ARF6: variants seen among roughly 807,000 people sequenced by gnomAD.
The protein encoded by ARF6 is ARF GTPase 6.
For missense variants in ARF6, 75 were observed against 232.0 expected (o/e 0.32, Z 4.40); for synonymous variants, 127 against 95.5 (o/e 1.33, Z -1.92).
rs1435904439 is a variant in ARF6, at chr14:49,893,833, T to G, written c.97T>G (p.Leu33Val). Residue 33 changes from leucine (L) to valine (V), a missense_variant, in exon 2 of 2, where the codon TTG (leucine) becomes GTG (valine). By Grantham distance (32) the Leu-to-Val change is conservative (BLOSUM62 1). Transcript: ENST00000298316. ...AAGKTTILYK[L>V]KLGQSVTTIP... The stretch of plus-strand genomic sequence containing the variant: ...CGGCAAGACAACAATCCTGTACAAG[T>G]TGAAGCTGGGCCAGTCGGTGACCAC... 1 of 1,614,218 alleles carries G rather than the reference T, an allele frequency of 6.2e-7. No individual in the cohort carries two copies. The highest frequency in any genetic ancestry group is 1.7e-5 in the Admixed American group (1 of 60,026).
chr14:49,893,498 C>G lies in ARF6; in HGVS notation c.-239C>G, dbSNP rs1245586040. 2.0e-6 allele frequency: 1 copy of G among 509,362 alleles called. No homozygotes were observed. The highest frequency in any genetic ancestry group is 1.9e-5 in the African/African-American group (1 of 51,448). The allele number at this position is 509,362 out of a possible 1,614,324, so 31.6% of individuals were successfully genotyped here. A position where few individuals can be genotyped will look rare whatever the true frequency, so the allele number is the denominator to read the frequency against. ...GCCGCGCCTCAGCAGGGCGGCGGCT[C>G]CCAGCGCAGTCTCAGGGCCCGGGTG... is the stretch of plus-strand genomic sequence containing the variant. On this transcript the variant is annotated 5_prime_UTR_variant, in exon 2 of 2. Transcript: ENST00000298316.
rs1415562672 is a variant in ARF6, at chr14:49,895,657, C to G, written c.*1393C>G. 1 of 166,974 alleles carries G rather than the reference C, an allele frequency of 6.0e-6. No homozygotes were observed. Among genetic ancestry groups the G allele is most frequent in the Non-Finnish European group, 1.5e-5 (1 of 68,076 alleles). 10.3% of individuals were successfully genotyped at this position (166,974 alleles called of 1,614,324 possible). A position where few individuals can be genotyped will look rare whatever the true frequency, so the allele number is the denominator to read the frequency against. On this transcript the variant is annotated 3_prime_UTR_variant, in exon 2 of 2. Coordinates refer to ENST00000298316, the MANE Select transcript of ARF6 (RefSeq NM_001663.4). The stretch of plus-strand genomic sequence containing the variant: ...GGGACGTAGGATGAAGAGAAAGAAC[C>G]TACAGATGACAATGAATGTAAACTT...
chr14:49,894,332 A>G lies in ARF6; in HGVS notation c.*68A>G, dbSNP rs531794083. On this transcript the variant is annotated 3_prime_UTR_variant, in exon 2 of 2. Transcript: ENST00000298316. ...ACCCATTCATAGGATTATCGCCACC[A>G]TCACCTCTTTCAATTGCCACTTTCT... The G allele has an allele frequency of 8.9e-5, 128 of 1,430,764 alleles. No individual in the cohort carries two copies. In the East Asian group the frequency reaches 2.7e-3, roughly 31 times the overall value. The allele number at this position is 1,430,764 out of a possible 1,614,324, so 88.6% of individuals were successfully genotyped here. A position where few individuals can be genotyped will look rare whatever the true frequency, so the allele number is the denominator to read the frequency against.
Position 49,893,523 on chromosome 14 carries a change from G to A in ARF6, c.-214G>A. On this transcript the variant is annotated 5_prime_UTR_variant, in exon 2 of 2. Transcript: ENST00000298316. ...CCCAGCGCAGTCTCAGGGCCCGGGT[G>A]GCGGCGGCGACTGGAGAAATCAAGT... 1.7e-6 allele frequency: 1 copy of A among 585,542 alleles called. No individual in the cohort carries two copies. Among genetic ancestry groups the A allele is most frequent in the South Asian group, 2.2e-5 (1 of 45,176 alleles). 36.3% of individuals were successfully genotyped at this position (585,542 alleles called of 1,614,324 possible).
In ARF6 at chr14:49,896,203, C is replaced by A. The variant is rs1180153223; in HGVS notation, c.*1939C>A. On this transcript the variant is annotated 3_prime_UTR_variant, in exon 2 of 2. Coordinates refer to ENST00000298316, the MANE Select transcript of ARF6 (RefSeq NM_001663.4). Reference sequence around the variant, plus strand: ...GAGGGATTTTTTTGATTTCAGGATACAACTAAAGTACGAAGTTCTCAGTTT... The same window carrying A: ...GAGGGATTTTTTTGATTTCAGGATAAAACTAAAGTACGAAGTTCTCAGTTT... 1.2e-5 allele frequency: 2 copies of A among 166,734 alleles called. No individual in the cohort carries two copies. The highest frequency in any genetic ancestry group is 2.9e-5 in the Non-Finnish European group (2 of 68,078). The allele number at this position is 166,734 out of a possible 1,614,324, so 10.3% of individuals were successfully genotyped here.
In ARF6 at chr14:49,895,800, C is replaced by T. The variant is rs1287934581; in HGVS notation, c.*1536C>T. On this transcript the variant is annotated 3_prime_UTR_variant, in exon 2 of 2. Coordinates refer to ENST00000298316, the MANE Select transcript of ARF6 (RefSeq NM_001663.4). Reference sequence around the variant, plus strand: ...GCGACCACTATGATAATATTTTGAACCAAATGTTAATGCTTGATGCAGAAT... The same window carrying T: ...GCGACCACTATGATAATATTTTGAATCAAATGTTAATGCTTGATGCAGAAT... 6.0e-6 allele frequency: 1 copy of T among 166,584 alleles called. No individual in the cohort carries two copies. The highest frequency in any genetic ancestry group is 1.5e-5 in the Non-Finnish European group (1 of 68,086). The allele number at this position is 166,584 out of a possible 1,614,324, so 10.3% of individuals were successfully genotyped here.
At position 49,893,826 on chromosome 14, in the gene ARF6, G is replaced by A; in HGVS notation, c.90G>A (p.Leu30=). 3 of 1,614,252 alleles carry A rather than the reference G, an allele frequency of 1.9e-6. No individual in the cohort carries two copies. Among genetic ancestry groups the A allele is most frequent in the South Asian group, 1.1e-5 (1 of 91,088 alleles). The change falls in exon 2 of 2, where the codon CTG becomes CTA. Residue 30 remains leucine (L), a synonymous_variant. Coordinates refer to ENST00000298316, the MANE Select transcript of ARF6 (RefSeq NM_001663.4). ...GLDAAGKTTI[L]YKLKLGQSVT... Reference sequence around the variant, plus strand: ...ACGCGGCCGGCAAGACAACAATCCTGTACAAGTTGAAGCTGGGCCAGTCGG... The same window carrying A: ...ACGCGGCCGGCAAGACAACAATCCTATACAAGTTGAAGCTGGGCCAGTCGG...
In ARF6 at chr14:49,895,391, C is replaced by T. The variant is rs576615115; in HGVS notation, c.*1127C>T. ...AAAAAAATACACATTCCTGTTTTCA[C>T]ATTATAGCAACTGATTAAGCTGAAG... On this transcript the variant is annotated 3_prime_UTR_variant, in exon 2 of 2. Transcript: ENST00000298316. 1 of 167,166 alleles carries T rather than the reference C, an allele frequency of 6.0e-6. No homozygotes were observed. Among genetic ancestry groups the T allele is most frequent in the African/African-American group, 2.4e-5 (1 of 41,548 alleles). 10.4% of individuals were successfully genotyped at this position (167,166 alleles called of 1,614,324 possible).
chr14:49,893,447 C>T lies in ARF6; in HGVS notation c.-290C>T. ...CGCGGCGGCGCTCGCGCGGCGCCTG[C>T]GGGGGGAAGGGCAGTTCCGGGCCGG... On this transcript the variant is annotated 5_prime_UTR_variant, in exon 2 of 2. Transcript: ENST00000298316. 1 of 262,154 alleles carries T rather than the reference C, an allele frequency of 3.8e-6. No homozygotes were observed. The allele number at this position is 262,154 out of a possible 1,614,324, so 16.2% of individuals were successfully genotyped here. A position where few individuals can be genotyped will look rare whatever the true frequency, so the allele number is the denominator to read the frequency against.
Position 49,896,738 on chromosome 14 carries a change from G to A in ARF6, c.*2474G>A, listed in dbSNP as rs1471383717. On this transcript the variant is annotated 3_prime_UTR_variant, in exon 2 of 2. Coordinates refer to ENST00000298316, the MANE Select transcript of ARF6 (RefSeq NM_001663.4). Reference sequence around the variant, plus strand: ...TAAAATTTTCTTTAAGGATATAAGAGGTTTATAATTGATGTAGTTAAATTG... The same window carrying A: ...TAAAATTTTCTTTAAGGATATAAGAAGTTTATAATTGATGTAGTTAAATTG... 5 of 166,936 alleles carry A rather than the reference G, an allele frequency of 3.0e-5. 1 individual carries two copies. The highest frequency in any genetic ancestry group is 7.2e-5 in the African/African-American group (3 of 41,400). 10.3% of individuals were successfully genotyped at this position (166,936 alleles called of 1,614,324 possible).
rs369105384 is a variant in ARF6, at chr14:49,894,255, C to T, written c.519C>T (p.Tyr173=). The part of the protein sequence containing the change: ...YEGLTWLTSN[Y]KS ...GGCTCACATGGTTAACCTCTAACTA[C>T]AAATCTTAATGAGCATTCTCCACCC... The change falls in exon 2 of 2, where the codon TAC becomes TAT. Residue 173 remains tyrosine (Y), a synonymous_variant. Coordinates refer to ENST00000298316, the MANE Select transcript of ARF6 (RefSeq NM_001663.4). 2.7e-5 allele frequency: 44 copies of T among 1,607,488 alleles called. No homozygotes were observed. Among genetic ancestry groups the T allele is most frequent in the Non-Finnish European group, 3.5e-5 (41 of 1,175,028 alleles).
In ARF6 at chr14:49,894,449, T is replaced by C. The variant is rs1894493025; in HGVS notation, c.*185T>C. 1.9e-6 allele frequency: 1 copy of C among 527,266 alleles called. No homozygotes were observed. Among genetic ancestry groups the C allele is most frequent in the Admixed American group, 4.6e-5 (1 of 21,604 alleles). 32.7% of individuals were successfully genotyped at this position (527,266 alleles called of 1,614,324 possible). A position where few individuals can be genotyped will look rare whatever the true frequency, so the allele number is the denominator to read the frequency against. ...TCTCTTTTGTTTGTTTCCCTTTCTT[T>C]TTCCTTTTTTTTTTTTTTTTTTTTT... On this transcript the variant is annotated 3_prime_UTR_variant, in exon 2 of 2. Coordinates refer to ENST00000298316, the MANE Select transcript of ARF6 (RefSeq NM_001663.4).
At position 49,894,480 on chromosome 14, in the gene ARF6, G is replaced by A. The variant is rs1428459337; in HGVS notation, c.*216G>A. The stretch of plus-strand genomic sequence containing the variant: ...TTTTTTTTTTTTTTTTTTTTTGTTG[G>A]CTTTGCGTTAGGATGCTCTGATCTG... On this transcript the variant is annotated 3_prime_UTR_variant, in exon 2 of 2. Coordinates refer to ENST00000298316, the MANE Select transcript of ARF6 (RefSeq NM_001663.4). 2.3e-6 allele frequency: 1 copy of A among 429,008 alleles called. No individual in the cohort carries two copies. The highest frequency in any genetic ancestry group is 3.6e-5 in the East Asian group (1 of 27,982). 26.6% of individuals were successfully genotyped at this position (429,008 alleles called of 1,614,324 possible).
At position 49,893,720 on chromosome 14, in the gene ARF6, C is replaced by G. The variant is rs764556170; in HGVS notation, c.-17C>G. 10 of 1,605,002 alleles carry G rather than the reference C, an allele frequency of 6.2e-6. No individual in the cohort carries two copies. The highest frequency in any genetic ancestry group is 1.7e-4 in the Middle Eastern group (1 of 6,038). ...CCGGGACACCTGAATGCCCCCGGCC[C>G]CGGCTCCTCCGACGCGATGGGGAAG... On this transcript the variant is annotated 5_prime_UTR_variant, in exon 2 of 2. Coordinates refer to ENST00000298316, the MANE Select transcript of ARF6 (RefSeq NM_001663.4).
rs1367467396 is a variant in ARF6, at chr14:49,893,482, C to T, written c.-255C>T. ...GGCAGTTCCGGGCCGGGCCGCGCCT[C>T]AGCAGGGCGGCGGCTCCCAGCGCAG... On this transcript the variant is annotated 5_prime_UTR_variant, in exon 2 of 2. Transcript: ENST00000298316. 10 of 438,838 alleles carry T rather than the reference C, an allele frequency of 2.3e-5. No homozygotes were observed. The highest frequency in any genetic ancestry group is 4.1e-6 in the Non-Finnish European group (1 of 245,944). 27.2% of individuals were successfully genotyped at this position (438,838 alleles called of 1,614,324 possible).
chr14:49,893,955 C>G lies in ARF6; in HGVS notation c.219C>G (p.Leu73=), dbSNP rs111484414. 2 of 1,614,122 alleles carry G rather than the reference C, an allele frequency of 1.2e-6. No individual in the cohort carries two copies. Among genetic ancestry groups the G allele is most frequent in the East Asian group, 2.2e-5 (1 of 44,902 alleles). ...DVGGQDKIRP[L]WRHYYTGTQG... The stretch of plus-strand genomic sequence containing the variant: ...GCGGCCAGGACAAGATCCGGCCGCT[C>G]TGGCGGCATTACTACACTGGGACCC... Residue 73 remains leucine, a synonymous_variant, in exon 2 of 2, where the codon CTC becomes CTG. Coordinates refer to ENST00000298316, the MANE Select transcript of ARF6 (RefSeq NM_001663.4).
In ARF6 at chr14:49,896,357, TATATAA is replaced by T. The variant is rs1329896971; in HGVS notation, c.*2098_*2103del. 1.2e-5 allele frequency: 2 copies of T among 167,180 alleles called. No individual in the cohort carries two copies. Among genetic ancestry groups the T allele is most frequent in the Non-Finnish European group, 2.9e-5 (2 of 68,088 alleles). 10.4% of individuals were successfully genotyped at this position (167,180 alleles called of 1,614,324 possible). A position where few individuals can be genotyped will look rare whatever the true frequency, so the allele number is the denominator to read the frequency against. On this transcript the variant is annotated 3_prime_UTR_variant, in exon 2 of 2. Coordinates refer to ENST00000298316, the MANE Select transcript of ARF6 (RefSeq NM_001663.4). ...TGTTTCAAATGATTGCATTTTAAAG[TATATAA>T]ATATGGGTTATCCAATATCAATGCT...
Position 49,893,791 on chromosome 14 carries a change from T to C in ARF6, c.55T>C (p.Leu19=). 6.2e-7 allele frequency: 1 copy of C among 1,614,216 alleles called. No homozygotes were observed. The highest frequency in any genetic ancestry group is 8.5e-7 in the Non-Finnish European group (1 of 1,180,030). Residue 19 remains leucine, a synonymous_variant, in exon 2 of 2, where the codon TTG becomes CTG. Transcript: ENST00000298316. ...FGNKEMRILM[L]GLDAAGKTTI... ...GAACAAGGAAATGCGGATCCTCATG[T>C]TGGGCCTGGACGCGGCCGGCAAGAC...
At position 49,894,361 on chromosome 14, in the gene ARF6, C is replaced by G; in HGVS notation, c.*97C>G. The G allele has an allele frequency of 7.7e-7, 1 of 1,293,806 alleles. No individual in the cohort carries two copies. 80.1% of individuals were successfully genotyped at this position (1,293,806 alleles called of 1,614,324 possible). On this transcript the variant is annotated 3_prime_UTR_variant, in exon 2 of 2. Coordinates refer to ENST00000298316, the MANE Select transcript of ARF6 (RefSeq NM_001663.4). Reference sequence around the variant, plus strand: ...CCTCTTTCAATTGCCACTTTCTCTTCTTTTGAATTTGAACTCTGGAGTTAC... The same window carrying G: ...CCTCTTTCAATTGCCACTTTCTCTTGTTTTGAATTTGAACTCTGGAGTTAC...
Sources: allele counts gnomAD v4.1 joint callset, GRCh38; gene constraint gnomAD v4.1.1; transcripts MANE v1.5; gene names NCBI Gene and HGNC (gene_info 2026-07-23, HGNC 2026-07-21).